The following DAG1 variants were observed in gnomAD, a reference collection of about 807,000 sequenced individuals.
DAG1 encodes dystroglycan 1.
DAG1 carries 8 observed loss-of-function variants against 46.1 expected under a neutral mutation model. That is an observed-to-expected ratio of 0.17 (90% CI 0.10 to 0.31). DAG1 has a LOEUF of 0.31. Ranked by LOEUF, DAG1 falls within the 10% of genes least tolerant of loss-of-function variation. The pLI is 1.00. For synonymous variants in DAG1, 495 were observed against 481.8 expected (o/e 1.03, Z -0.36); for missense variants, 1,003 against 1,189.9 (o/e 0.84, Z 2.31).
At chr3:49,484,218 A>G (rs2049957029) in intron 1 of DAG1, among the ~76,000 whole-genome samples, 1 of 152,200 alleles carries the variant, frequency 6.6e-6, no homozygotes, top group African/African-American at 2.4e-5. Flanking sequence ...GTCCTAAAAC[A>G]TTGTGTTTGC....
Position 49,531,742 on chromosome 3 carries a change from G to C in DAG1, c.1231G>C (p.Val411Leu), listed in dbSNP as rs1401638915. 3 of 1,613,966 alleles carry C rather than the reference G, an allele frequency of 1.9e-6. No homozygotes were observed. Among genetic ancestry groups the C allele is most frequent in the Non-Finnish European group, 2.5e-6 (3 of 1,180,004 alleles). Residue 411 changes from valine (V) to leucine (L), a missense_variant, in exon 3 of 3, where the codon GTG becomes CTG. Transcript: ENST00000308775. This position sits in a 1 kb window ranked among gnomAD's most constrained non-coding sequence, Gnocchi z 7.0. The part of the protein sequence containing the change: ...IRPTMTIPGY[V>L]EPTAVATPPT... Reference sequence around the variant, plus strand: ...CCCAACGATGACCATTCCTGGCTATGTGGAGCCTACTGCAGTTGCTACCCC... The same window carrying C: ...CCCAACGATGACCATTCCTGGCTATCTGGAGCCTACTGCAGTTGCTACCCC...
At chr3:49,515,194 T>A (rs1559567524) in intron 2 of DAG1, among the ~76,000 whole-genome samples, 1 of 151,696 alleles carries the variant, frequency 6.6e-6, no homozygotes, top group Non-Finnish European at 1.5e-5. Context: ...GGTATCAAAC[T>A]CCTGACCTCA....
chr3:49,503,750 C>T (rs1014654411), intron 1 of DAG1, among the ~76,000 whole-genome samples: 1 of 151,836 alleles, frequency 6.6e-6, no homozygotes, highest in Admixed American at 6.6e-5. Flanking sequence ...ATCGCGTGAG[C>T]CCGGGAGGTC....
intron 2 of DAG1, among the ~76,000 whole-genome samples, chr3:49,522,332 T>G (rs182228347): frequency 0.021 from 3,143 of 151,918 alleles, 54 homozygotes; most frequent in Middle Eastern, 0.054. Context: ...GCGCCTGGCT[T>G]TTTTTTGTAT....
At chr3:49,497,006 GT>G (rs1305908392) in intron 1 of DAG1, among the ~76,000 whole-genome samples, 1 of 150,938 alleles carries the variant, frequency 6.6e-6, no homozygotes, top group African/African-American at 2.4e-5. Flanking sequence ...CATTAAAAAT[GT>G]TTTTTTTAGG....
At chr3:49,481,257 C>T (rs1337872813) in intron 1 of DAG1, among the ~76,000 whole-genome samples, 2 of 149,382 alleles carry the variant, frequency 1.3e-5, no homozygotes, top group Admixed American at 6.7e-5. Flanking sequence ...ATTAGCCGGG[C>T]GTAGTGTTAG....
chr3:49,507,885 T>G (rs1024793825), intron 1 of DAG1, among the ~76,000 whole-genome samples: 1 of 152,084 alleles, frequency 6.6e-6, no homozygotes, highest in African/African-American at 2.4e-5. Context: ...TTGGATGAGT[T>G]GTAGTAGTTT....
rs1347060645 is a variant in DAG1, at chr3:49,525,857, C to CT, written c.286-4929dup. On this transcript the variant is annotated intron_variant, in intron 2 of 2. Transcript: ENST00000308775. ...ACAGGCGTGAGCCACCGCGCTCGGC[C>CT]TTTTTTTTTTTGAGATGGAGTTTCG... is the stretch of plus-strand genomic sequence containing the variant. Among the ~76,000 whole-genome samples, 524 of 138,588 alleles carry CT rather than the reference C, an allele frequency of 3.8e-3. 5 individuals carry two copies. Among genetic ancestry groups the CT allele is most frequent in the African/African-American group, 0.011 (406 of 37,688 alleles). The allele number at this position is 138,588 out of a possible 152,430, so 90.9% of individuals were successfully genotyped here.
In DAG1 at chr3:49,532,324, C is replaced by T. The variant is rs866228869; in HGVS notation, c.1813C>T (p.Pro605Ser). Residue 605 changes from proline (P) to serine (S), a missense_variant, in exon 3 of 3, where the codon CCT (proline) becomes TCT (serine). Transcript: ENST00000308775. This position sits in a 1 kb window ranked among gnomAD's most constrained non-coding sequence, Gnocchi z 5.4. ...CAGGCGCCCCCAAGGGGATAGGGCT[C>T]CTGCAAGGTTCAAGGCCAAGTTTGT... is the stretch of plus-strand genomic sequence containing the variant. ...VHRRPQGDRA[P>S]ARFKAKFVGD... 1.2e-6 allele frequency: 2 copies of T among 1,614,162 alleles called. No homozygotes were observed. Among genetic ancestry groups the T allele is most frequent in the African/African-American group, 1.3e-5 (1 of 75,056 alleles).
chr3:49,512,038 A>AT (rs951816320), intron 2 of DAG1, among the ~76,000 whole-genome samples: 42 of 148,498 alleles, frequency 2.8e-4, no homozygotes, highest in East Asian at 9.8e-4. Context: ...TTCTTTTACA[A>AT]TTTTTTTTTT....
chr3:49,515,366 G>A (rs1486554245), intron 2 of DAG1, among the ~76,000 whole-genome samples: 1 of 149,480 alleles, frequency 6.7e-6, no homozygotes, highest in Non-Finnish European at 1.5e-5. Context: ...AACTTTTAAT[G>A]GCTGCCTAAT....
chr3:49,516,806 T>TA (rs1249991397), intron 2 of DAG1, among the ~76,000 whole-genome samples: 1 of 152,124 alleles, frequency 6.6e-6, no homozygotes, highest in Admixed American at 6.5e-5. Flanking sequence ...TGGTGAATGT[T>TA]ATTGGGGGTT....
intron 1 of DAG1, among the ~76,000 whole-genome samples, chr3:49,499,465 T>A (rs1164119584): frequency 3.3e-5 from 5 of 152,234 alleles, no homozygotes; most frequent in African/African-American, 1.2e-4. Context: ...CTGTGAGTTT[T>A]TCTATGGATG....
rs956949050 is a variant in DAG1 at position 49,497,613 on chromosome 3, C to CA, written c.-116-12796dup. 3.8e-4 allele frequency among the ~76,000 whole-genome samples: 54 copies of CA among 143,952 alleles called. No homozygotes were observed. The East Asian group carries it at 3.8e-3, about 10-fold the overall frequency. The allele number at this position is 143,952 out of a possible 152,430, so 94.4% of individuals were successfully genotyped here. On this transcript the variant is annotated intron_variant, in intron 1 of 2. Coordinates refer to ENST00000308775, the MANE Select transcript of DAG1 (RefSeq NM_004393.6). ...GGGGATAGATTGAGAGACTGTCTCT[C>CA]AAAAAAAAAATAAAAATAACCCCAA...
intron 1 of DAG1, among the ~76,000 whole-genome samples, chr3:49,500,579 C>T (rs1242238741): frequency 2.0e-5 from 3 of 152,234 alleles, no homozygotes; most frequent in Middle Eastern, 3.2e-3. Context: ...AAAAGAGCTT[C>T]TGTAGCTCCT....
At chr3:49,499,204 TAGAG>T (rs1157193255) in intron 1 of DAG1, among the ~76,000 whole-genome samples, 11 of 152,172 alleles carry the variant, frequency 7.2e-5, no homozygotes, top group Admixed American at 2.6e-4. Context: ...CAAAAACTAA[TAGAG>T]AGCTGTTGTT....
intron 1 of DAG1, among the ~76,000 whole-genome samples, chr3:49,497,047 C>G (rs2050332123): frequency 2.0e-5 from 3 of 151,690 alleles, no homozygotes; most frequent in Non-Finnish European, 4.4e-5. Flanking sequence ...TCCCTATAGT[C>G]CCAGTGCTAG....
rs142572135 is a variant in DAG1, at chr3:49,510,746, C to A, written c.212C>A (p.Thr71Lys). Residue 71 changes from threonine to lysine, a missense_variant, in exon 2 of 3, where the codon ACG becomes AAG. Physicochemically the swap from Thr to Lys is moderately conservative, Grantham distance 78. This residue lies in a region of DAG1 where 196 missense variants were observed against 239.1 expected (regional missense o/e 0.82). Coordinates refer to ENST00000308775, the MANE Select transcript of DAG1 (RefSeq NM_004393.6). ...VPTVVGIPDG[T>K]AVVGRSFRVT... is the part of the protein sequence containing the mutation. ...ACAGTGGTTGGCATTCCTGATGGCA[C>A]GGCTGTCGTCGGGCGCTCATTTCGA... The A allele has an allele frequency of 8.1e-5, 130 of 1,614,164 alleles. No homozygotes were observed. The highest frequency in any genetic ancestry group is 9.9e-5 in the Non-Finnish European group (117 of 1,180,032).
chr3:49,522,223 G>T (rs1199797206), intron 2 of DAG1, among the ~76,000 whole-genome samples: 1 of 151,974 alleles, frequency 6.6e-6, no homozygotes, highest in South Asian at 2.1e-4. Flanking sequence ...GTAGAGATGG[G>T]GTTTCACCAT....
Sources: gnomAD v4.1 joint callset for allele counts (sites outside exome capture counted in the v4.1 genomes callset) on GRCh38, gnomAD v4.1.1 for gene constraint, gnomAD v4.1.1 regional missense constraint, Gnocchi (gnomAD v3.1) non-coding constraint, MANE v1.5 for transcripts, NCBI Gene and HGNC (gene_info 2026-07-23, HGNC 2026-07-21) for gene names.